DYSF: variants seen among roughly 807,000 people sequenced by gnomAD.
DYSF encodes the protein dystrophy-associated fer-1-like 1.
DYSF carries 212 observed loss-of-function variants against 274.9 expected under a neutral mutation model. The observed-to-expected ratio is 0.77, with a 90% CI of 0.69 to 0.86. The LOEUF (loss-of-function observed/expected upper bound fraction) is 0.86. DYSF is among the 40% of genes least tolerant of loss of function. The probability of loss-of-function intolerance (pLI) is 0.00; values close to 1 mark genes in which losing one functional copy is unlikely to be tolerated. For missense variants in DYSF, 2,666 were observed against 2,783.2 expected (o/e 0.96, Z 0.95); for synonymous variants, 1,091 against 1,078.7 (o/e 1.01, Z -0.22).
At chr2:71,468,231 GA>G (rs1264345949) in intron 1 of DYSF, among the ~76,000 whole-genome samples, 3 of 152,208 alleles carry the variant, frequency 2.0e-5, no homozygotes, top group Non-Finnish European at 4.4e-5. Flanking sequence ...GGCTGGAAAA[GA>G]AATTCCCTAA....
intron 52 of DYSF, among the ~76,000 whole-genome samples, chr2:71,678,818 TAGG>T (rs1287448451): frequency 6.6e-6 from 1 of 152,076 alleles, no homozygotes; most frequent in South Asian, 2.1e-4. Flanking sequence ...GGTGAGTAAA[TAGG>T]AGTGGATGAA....
chr2:71,491,147 G>A (rs1317889805), intron 3 of DYSF, among the ~76,000 whole-genome samples: 3 of 152,122 alleles, frequency 2.0e-5, no homozygotes, highest in African/African-American at 7.2e-5. Context: ...TGTTTCCTTG[G>A]CCATTTGTAA....
intron 23 of DYSF, among the ~76,000 whole-genome samples, chr2:71,562,291 C>T (rs2091827359): frequency 6.6e-6 from 1 of 152,162 alleles, no homozygotes; most frequent in South Asian, 2.1e-4. Context: ...TCCCCAGGTT[C>T]CCGACTCCTA....
intron 23 of DYSF, 133 bp from the exon 24 acceptor site, chr2:71,563,925 A>G: frequency 7.8e-7 from 1 of 1,288,726 alleles, no homozygotes; most frequent in Admixed American, 1.9e-5. Context: ...GCCAGGGTGG[A>G]CAGTGTGTGG....
intron 17 of DYSF, among the ~76,000 whole-genome samples, chr2:71,541,815 G>T (rs2089952299): frequency 6.6e-6 from 1 of 151,986 alleles, no homozygotes; most frequent in Non-Finnish European, 1.5e-5. Context: ...ACAGCAGTCT[G>T]ATGTGATTCT....
rs773990868 is a variant in DYSF, at chr2:71,624,900, A to G, written c.4527+4291A>G. ...TCTTTGATCATTTTGTACTTCTTCA[A>G]TCAATTTGGTAGCTGAGATGTCATC... On this transcript the variant is annotated intron_variant, in intron 41 of 55. Coordinates refer to ENST00000410020, the MANE Select transcript of DYSF (RefSeq NM_001130987.2). Among the ~76,000 whole-genome samples, 6 of 152,196 alleles carry G rather than the reference A, an allele frequency of 3.9e-5. No homozygotes were observed. In the South Asian group the frequency reaches 1.2e-3, roughly 32 times the overall value.
Position 71,615,183 on chromosome 2 carries a change from C to A in DYSF, c.4464+1773C>A, listed in dbSNP as rs1162091745. ...TGAGGAGGCCCAGCCTGGCCATCCTCCCGGCGTTGACATGAGGGAACTGGG... is the reference window on the plus strand; with the variant it reads ...TGAGGAGGCCCAGCCTGGCCATCCTACCGGCGTTGACATGAGGGAACTGGG... On this transcript the variant is annotated intron_variant, in intron 40 of 55. Transcript: ENST00000410020. This position sits in a 1 kb window ranked among gnomAD's most constrained non-coding sequence, Gnocchi z 4.9. Among the ~76,000 whole-genome samples, 1 of 152,184 alleles carries A rather than the reference C, an allele frequency of 6.6e-6. No individual in the cohort carries two copies. The highest frequency in any genetic ancestry group is 2.4e-5 in the African/African-American group (1 of 41,448).
chr2:71,663,127 C>G (rs556506073), intron 45 of DYSF, among the ~76,000 whole-genome samples: 15 of 101,850 alleles, frequency 1.5e-4, no homozygotes, highest in African/African-American at 4.4e-4. Flanking sequence ...TCTGGCTGAC[C>G]TCTGAGGTTC....
chr2:71,598,223 T>G (rs988368741), intron 32 of DYSF, among the ~76,000 whole-genome samples: 5 of 152,260 alleles, frequency 3.3e-5, no homozygotes, highest in Non-Finnish European at 5.9e-5. Flanking sequence ...GCTGGATGAA[T>G]GAATGAATAG....
At chr2:71,614,011 C>A (rs2093827974) in intron 40 of DYSF, among the ~76,000 whole-genome samples, 1 of 152,194 alleles carries the variant, frequency 6.6e-6, no homozygotes, top group South Asian at 2.1e-4. Context: ...TTGCTGCATA[C>A]TCAGCAACTG....
intron 21 of DYSF, among the ~76,000 whole-genome samples, chr2:71,554,175 A>G (rs1281016891): frequency 6.6e-6 from 1 of 152,254 alleles, no homozygotes. Context: ...AGTGGGACAC[A>G]GAGCAAGGGA....
chr2:71,620,329 C>T (rs956562929), intron 40 of DYSF, among the ~76,000 whole-genome samples: 1 of 152,200 alleles, frequency 6.6e-6, no homozygotes, highest in African/African-American at 2.4e-5. Context: ...GGCCCATTCT[C>T]CAGATAGGAC....
intron 17 of DYSF, among the ~76,000 whole-genome samples, chr2:71,544,339 C>T (rs1056312186): frequency 3.0e-4 from 45 of 152,188 alleles, no homozygotes; most frequent in African/African-American, 1.1e-3. Flanking sequence ...AGTTTCTGGC[C>T]GACTCTACCC....
intron 22 of DYSF, among the ~76,000 whole-genome samples, chr2:71,560,356 A>G (rs2091646623): frequency 6.9e-6 from 1 of 144,142 alleles, no homozygotes; most frequent in Admixed American, 6.9e-5. Flanking sequence ...GGCTCTCCCT[A>G]TCCCTCTCCA....
intron 42 of DYSF, 86 bp from the exon 43 acceptor site, chr2:71,656,076 C>T (rs2094762625): frequency 1.3e-6 from 2 of 1,506,368 alleles, no homozygotes; most frequent in Non-Finnish European, 1.8e-6. Context: ...GTCATGTTTC[C>T]CCTCCTTCTC....
intron 47 of DYSF, among the ~76,000 whole-genome samples, chr2:71,666,030 C>A (rs1053335857): frequency 1.3e-5 from 2 of 151,628 alleles, no homozygotes; most frequent in Non-Finnish European, 1.5e-5. Context: ...GCTTTGATGC[C>A]CCCATCCCCC....
chr2:71,601,595 T>C (rs2093552331), intron 35 of DYSF, 67 bp downstream of exon 35: 3 of 1,607,130 alleles, frequency 1.9e-6, no homozygotes, highest in Non-Finnish European at 2.6e-6. Context: ...GGCATCTCTC[T>C]GGGTTAGGAA....
intron 1 of DYSF, among the ~76,000 whole-genome samples, chr2:71,460,724 T>A (rs2081248158): frequency 6.6e-6 from 1 of 152,114 alleles, no homozygotes; most frequent in African/African-American, 2.4e-5. Flanking sequence ...TCACCAGCAG[T>A]TGCTTTTCTG....
At position 71,535,312 on chromosome 2, in the gene DYSF, G is replaced by GT. The variant is rs753885022; in HGVS notation, c.1493+2dup. ...AAATGAGGATTCGTATCATAGACTG[G>GT]TGAGTTCTGAGTCTTGGAGTCTTTA... On this transcript the variant is annotated splice_donor_variant, in intron 16 of 55. Coordinates refer to ENST00000410020, the MANE Select transcript of DYSF (RefSeq NM_001130987.2). LOFTEE classifies it high-confidence loss of function. The GT allele has an allele frequency of 1.9e-6, 3 of 1,614,120 alleles. No homozygotes were observed. In the South Asian group the frequency reaches 3.3e-5, roughly 18 times the overall value.
Sources: allele counts gnomAD v4.1 joint callset (sites outside exome capture counted in the v4.1 genomes callset), GRCh38; gene constraint gnomAD v4.1.1; non-coding constraint Gnocchi (gnomAD v3.1); transcripts MANE v1.5; gene names NCBI Gene and HGNC (gene_info 2026-07-23, HGNC 2026-07-21).